Variants in KCNT2 observed in about 807,000 individuals in gnomAD.
KCNT2 encodes the protein potassium channel subfamily T member 2.
KCNT2 carries 67 observed loss-of-function variants against 153.8 expected under a neutral mutation model. That is an observed-to-expected ratio of 0.44 (90% CI 0.36 to 0.53). KCNT2 has a LOEUF of 0.53. KCNT2 is among the 20% of genes least tolerant of loss of function. The pLI is 0.00. For missense variants in KCNT2, 975 were observed against 1,354.8 expected (o/e 0.72, Z 4.40); for synonymous variants, 500 against 458.8 (o/e 1.09, Z -1.15).
chr1:196,406,905 A>G lies in KCNT2; in HGVS notation c.1186-8234T>C, dbSNP rs547756805. Among the ~76,000 whole-genome samples, 146 of 151,546 alleles carry G rather than the reference A, an allele frequency of 9.6e-4. 1 individual carries two copies. The highest frequency in any genetic ancestry group is 2.0e-3 in the African/African-American group (84 of 41,486). ...TCGGAATCTGCATATATATTATCAA[A>G]ATCTTACCAGAAATTTTGGGACTGA... On this transcript the variant is annotated intron_variant, in intron 12 of 27. Coordinates refer to ENST00000294725, the MANE Select transcript of KCNT2 (RefSeq NM_198503.5).
intron 14 of KCNT2, among the ~76,000 whole-genome samples, chr1:196,367,388 TC>T (rs1668130299): frequency 1.3e-5 from 2 of 152,152 alleles, no homozygotes; most frequent in Admixed American, 1.3e-4. Context: ...TTTGTATGAT[TC>T]AATATATTCC....
chr1:196,583,973 ATG>A, intron 1 of KCNT2, among the ~76,000 whole-genome samples: 1 of 152,000 alleles, frequency 6.6e-6, no homozygotes, highest in African/African-American at 2.4e-5. Context: ...TTAGAGTTAC[ATG>A]GTGGGATGTT....
intron 1 of KCNT2, among the ~76,000 whole-genome samples, chr1:196,520,272 ACT>A (rs1056752079): frequency 3.9e-5 from 6 of 152,050 alleles, no homozygotes; most frequent in African/African-American, 1.4e-4. Flanking sequence ...GATTTTAAAA[ACT>A]CTCAGAAACC....
chr1:196,538,408 G>A (rs1371706635), intron 1 of KCNT2, among the ~76,000 whole-genome samples: 2 of 152,080 alleles, frequency 1.3e-5, no homozygotes, highest in African/African-American at 2.4e-5. Context: ...GAAGTGGTGG[G>A]TAGCTGGAAA....
At chr1:196,589,330 T>C (rs182784647) in intron 1 of KCNT2, among the ~76,000 whole-genome samples, 1 of 152,176 alleles carries the variant, frequency 6.6e-6, no homozygotes, top group East Asian at 1.9e-4. Flanking sequence ...AAAAATTCTA[T>C]ACATTAAAAT....
chr1:196,555,960 T>A (rs1658598387), intron 1 of KCNT2, among the ~76,000 whole-genome samples: 2 of 151,394 alleles, frequency 1.3e-5, no homozygotes, highest in African/African-American at 4.8e-5. Flanking sequence ...TGCACAATAT[T>A]GAAATTTGAC....
At chr1:196,560,037 T>C (rs1331711343) in intron 1 of KCNT2, among the ~76,000 whole-genome samples, 1 of 151,912 alleles carries the variant, frequency 6.6e-6, no homozygotes, top group African/African-American at 2.4e-5. Flanking sequence ...ATTATTTTTC[T>C]TTTTAAATAA....
chr1:196,351,508 C>T (rs1479353629), intron 14 of KCNT2, among the ~76,000 whole-genome samples: 3 of 151,852 alleles, frequency 2.0e-5, no homozygotes, highest in Admixed American at 1.3e-4. Context: ...CTCTGTTTGT[C>T]TGTTATTGGT....
intron 26 of KCNT2, among the ~76,000 whole-genome samples, chr1:196,251,354 C>T (rs1415720671): frequency 6.6e-6 from 1 of 151,706 alleles, no homozygotes; most frequent in Admixed American, 6.6e-5. Flanking sequence ...TGTTTTTTTC[C>T]TCTAGCCCTT....
At chr1:196,410,918 CTTCT>C (rs1422871867) in intron 12 of KCNT2, among the ~76,000 whole-genome samples, 5 of 149,698 alleles carry the variant, frequency 3.3e-5, no homozygotes, top group Non-Finnish European at 7.4e-5. Flanking sequence ...CCTTCCTTTC[CTTCT>C]TTCTTTCTTT....
At chr1:196,362,747 AAG>A (rs1416357830) in intron 14 of KCNT2, among the ~76,000 whole-genome samples, 2 of 152,108 alleles carry the variant, frequency 1.3e-5, no homozygotes, top group African/African-American at 4.8e-5. Context: ...TGAAATTTTA[AAG>A]AGTTTCAGGC....
At chr1:196,285,333 T>C (rs1417317379) in intron 23 of KCNT2, among the ~76,000 whole-genome samples, 2 of 152,214 alleles carry the variant, frequency 1.3e-5, no homozygotes, top group African/African-American at 4.8e-5. Flanking sequence ...AATTTTTTTT[T>C]ACCTTTTTAA....
chr1:196,511,218 G>C (rs1285892688), intron 1 of KCNT2, among the ~76,000 whole-genome samples: 1 of 151,226 alleles, frequency 6.6e-6, no homozygotes, highest in Non-Finnish European at 1.5e-5. Context: ...AGCCAGAAAA[G>C]AAAATAAGAA....
At chr1:196,340,785 G>T (rs972505171) in intron 15 of KCNT2, among the ~76,000 whole-genome samples, 3 of 151,880 alleles carry the variant, frequency 2.0e-5, no homozygotes, top group Non-Finnish European at 4.4e-5. Flanking sequence ...TAATGAAAAT[G>T]AATGGAAGAA....
In KCNT2 at chr1:196,284,248, A is replaced by AAAAAATATAT; in HGVS notation, c.2697+1408_2697+1409insATATATTTTT. On this transcript the variant is annotated intron_variant, in intron 23 of 27. Coordinates refer to ENST00000294725, the MANE Select transcript of KCNT2 (RefSeq NM_198503.5). ...TCTGTCTTAAAAAAAAAAAAAAAAA[A>AAAAAATATAT]ATATATATATATATATATATATATA... Among the ~76,000 whole-genome samples, 33 of 10,052 alleles carry AAAAAATATAT rather than the reference A, an allele frequency of 3.3e-3. 1 individual carries two copies. Among genetic ancestry groups the AAAAAATATAT allele is most frequent in the Non-Finnish European group, 5.3e-3 (10 of 1,880 alleles). 6.6% of individuals were successfully genotyped at this position (10,052 alleles called of 152,430 possible).
chr1:196,417,593 C>T (rs182065393), intron 12 of KCNT2, among the ~76,000 whole-genome samples: 109 of 152,184 alleles, frequency 7.2e-4, no homozygotes, highest in African/African-American at 2.5e-3. Flanking sequence ...TTATAATCTA[C>T]TAGCTTTCTA....
chr1:196,456,635 A>G (rs1237590606), intron 8 of KCNT2, among the ~76,000 whole-genome samples: 1 of 151,954 alleles, frequency 6.6e-6, no homozygotes, highest in Non-Finnish European at 1.5e-5. Context: ...GTAAAGTAAT[A>G]GATGCAATTA....
intron 1 of KCNT2, among the ~76,000 whole-genome samples, chr1:196,503,855 T>G (rs79172097): frequency 0.016 from 2,421 of 152,264 alleles, 46 homozygotes; most frequent in Middle Eastern, 0.071. Flanking sequence ...ATTTTGCACT[T>G]AACTGGAAGA....
At chr1:196,282,646 T>C (rs190034733) in intron 23 of KCNT2, among the ~76,000 whole-genome samples, 25 of 152,344 alleles carry the variant, frequency 1.6e-4, no homozygotes, top group East Asian at 3.9e-4. Flanking sequence ...ATTTTTAGAA[T>C]TTTTAAAGCA....
Sources: allele counts gnomAD v4.1 joint callset (sites outside exome capture counted in the v4.1 genomes callset), GRCh38; gene constraint gnomAD v4.1.1; transcripts MANE v1.5; gene names NCBI Gene and HGNC (gene_info 2026-07-23, HGNC 2026-07-21).